The following UNC5D variants were observed in gnomAD, a reference collection of about 807,000 sequenced individuals.
UNC5D encodes the protein unc-5 netrin receptor D.
UNC5D carries 39 observed loss-of-function variants against 105.4 expected under a neutral mutation model. The observed-to-expected ratio is 0.37, with a 90% CI of 0.29 to 0.48. The LOEUF is 0.48. Ranked by LOEUF, UNC5D falls within the 20% of genes least tolerant of loss-of-function variation. The pLI, the probability that UNC5D is intolerant of heterozygous loss-of-function variation, is 0.98. For synonymous variants in UNC5D, 452 were observed against 450.4 expected, an observed-to-expected ratio of 1.00 and a Z score of -0.04; for missense variants, 991 against 1,202.4, an observed-to-expected ratio of 0.82 and a Z score of 2.60.
At chr8:35,655,397 T>G (rs1269912576) in intron 4 of UNC5D, among the ~76,000 whole-genome samples, 4 of 152,212 alleles carry the variant, frequency 2.6e-5, no homozygotes, top group Admixed American at 6.5e-5. Context: ...ATTTAATTGG[T>G]ATCTAAGGAG....
intron 4 of UNC5D, among the ~76,000 whole-genome samples, chr8:35,599,111 C>G (rs1819667510): frequency 7.1e-6 from 1 of 141,298 alleles, no homozygotes; most frequent in Non-Finnish European, 1.5e-5. Flanking sequence ...CCACTGCACT[C>G]CAGCCTAGGT....
chr8:35,448,811 T>G (rs1263932354), intron 1 of UNC5D, among the ~76,000 whole-genome samples: 1 of 152,290 alleles, frequency 6.6e-6, no homozygotes, highest in Middle Eastern at 3.4e-3. Flanking sequence ...CTATACTCTA[T>G]GTCCGTGTGT....
At chr8:35,570,364 A>G (rs1354726618) in intron 3 of UNC5D, among the ~76,000 whole-genome samples, 2 of 152,174 alleles carry the variant, frequency 1.3e-5, no homozygotes, top group Non-Finnish European at 2.9e-5. Context: ...GTTTTCATTG[A>G]TAAAAGGGTG....
intron 1 of UNC5D, among the ~76,000 whole-genome samples, chr8:35,469,973 C>A (rs937062678): frequency 6.6e-6 from 1 of 152,162 alleles, no homozygotes; most frequent in African/African-American, 2.4e-5. Context: ...CCACTCCTCA[C>A]CTTTTGAGTA....
chr8:35,766,531 G>A (rs1004948763), intron 14 of UNC5D, among the ~76,000 whole-genome samples: 1 of 152,166 alleles, frequency 6.6e-6, no homozygotes, highest in Non-Finnish European at 1.5e-5. Flanking sequence ...GACCGAAGTA[G>A]AAGCATGGCC....
intron 9 of UNC5D, 74 bp downstream of exon 9, chr8:35,722,469 C>A (rs1290944164): frequency 6.6e-7 from 1 of 1,517,258 alleles, no homozygotes; most frequent in African/African-American, 1.4e-5. Flanking sequence ...CCAGCCTTCT[C>A]CTGGGCCCTG....
intron 1 of UNC5D, among the ~76,000 whole-genome samples, chr8:35,272,442 T>C (rs1389841525): frequency 6.6e-6 from 1 of 152,124 alleles, no homozygotes. Flanking sequence ...TCAATATCCT[T>C]GCAGCAGAGG....
At chr8:35,431,699 A>G (rs1338832068) in intron 1 of UNC5D, among the ~76,000 whole-genome samples, 1 of 152,142 alleles carries the variant, frequency 6.6e-6, no homozygotes, top group Non-Finnish European at 1.5e-5. Flanking sequence ...TATTTTATGG[A>G]CAAAGTACAA....
At position 35,662,926 on chromosome 8, in the gene UNC5D, ACT is replaced by A. The variant is rs1234179784; in HGVS notation, c.571-20616_571-20615del. On this transcript the variant is annotated intron_variant, in intron 4 of 16. Transcript: ENST00000404895. ...ACGCTAGATTCTCATAGGAGCGCAA[ACT>A]CTCTTGTGAACTGCGTATGCGAGGG... Among the ~76,000 whole-genome samples the A allele has an allele frequency of 3.3e-5, 5 of 152,028 alleles. 1 individual carries two copies. The South Asian group carries it at 6.2e-4, about 19-fold the overall frequency.
At chr8:35,738,076 A>G (rs1829566447) in intron 11 of UNC5D, among the ~76,000 whole-genome samples, 1 of 152,196 alleles carries the variant, frequency 6.6e-6, no homozygotes, top group African/African-American at 2.4e-5. Context: ...ATTGCACTCC[A>G]GCCTGGGCAA....
At chr8:35,736,028 C>T (rs1230819095) in intron 11 of UNC5D, among the ~76,000 whole-genome samples, 2 of 151,998 alleles carry the variant, frequency 1.3e-5, no homozygotes, top group African/African-American at 2.4e-5. Flanking sequence ...TTATAGTAGA[C>T]ATTTGTGGCT....
intron 1 of UNC5D, among the ~76,000 whole-genome samples, chr8:35,447,100 T>C (rs575215515): frequency 2.6e-5 from 4 of 152,206 alleles, no homozygotes; most frequent in African/African-American, 9.6e-5. Flanking sequence ...TTACGTGTTC[T>C]CCCTGTAATA....
At chr8:35,287,131 C>T (rs181059256) in intron 1 of UNC5D, among the ~76,000 whole-genome samples, 34 of 152,284 alleles carry the variant, frequency 2.2e-4, no homozygotes, top group Admixed American at 1.8e-3. Context: ...TGGTAAAGAT[C>T]TATAACCACC....
rs56157732 is a variant in UNC5D, at chr8:35,413,292, T to TGGTG, written c.104-136000_104-135999insGGTG. Among the ~76,000 whole-genome samples, 5 of 128,044 alleles carry TGGTG rather than the reference T, an allele frequency of 3.9e-5. No individual in the cohort carries two copies. In the Admixed American group the frequency reaches 4.1e-4, roughly 10 times the overall value. 84.0% of individuals were successfully genotyped at this position (128,044 alleles called of 152,430 possible). The stretch of plus-strand genomic sequence containing the variant: ...GTGTGTGTGTGTGTGTGTGTGTGTG[T>TGGTG]TGTGTGTGTGTGTGTGTTTTCTCTC... On this transcript the variant is annotated intron_variant, in intron 1 of 16. Transcript: ENST00000404895.
chr8:35,326,277 G>A (rs1248744983), intron 1 of UNC5D, among the ~76,000 whole-genome samples: 2 of 152,134 alleles, frequency 1.3e-5, no homozygotes, highest in East Asian at 1.9e-4. Context: ...AGACTGTAGC[G>A]AGCACCATGG....
chr8:35,786,954 T>C (rs1438427996), intron 16 of UNC5D, among the ~76,000 whole-genome samples: 1 of 152,184 alleles, frequency 6.6e-6, no homozygotes, highest in African/African-American at 2.4e-5. Flanking sequence ...TTGTGCCACA[T>C]ATGAAATCTG....
intron 2 of UNC5D, among the ~76,000 whole-genome samples, chr8:35,552,296 G>C (rs1816218612): frequency 6.6e-6 from 1 of 151,934 alleles, no homozygotes; most frequent in South Asian, 2.1e-4. Context: ...GCTGTTTCAA[G>C]GACCCAGATC....
At chr8:35,281,988 G>A (rs533065224) in intron 1 of UNC5D, among the ~76,000 whole-genome samples, 14 of 152,140 alleles carry the variant, frequency 9.2e-5, no homozygotes, top group Non-Finnish European at 1.8e-4. Context: ...ATTCTTTTAG[G>A]CACTAAAATA....
chr8:35,502,624 T>C (rs1812043347), intron 1 of UNC5D, among the ~76,000 whole-genome samples: 1 of 152,168 alleles, frequency 6.6e-6, no homozygotes, highest in East Asian at 1.9e-4. Flanking sequence ...AGTGGTGCGA[T>C]CTTGGCTCAC....
Sources: gnomAD v4.1 joint callset for allele counts (sites outside exome capture counted in the v4.1 genomes callset) on GRCh38, gnomAD v4.1.1 for gene constraint, MANE v1.5 for transcripts, NCBI Gene and HGNC (gene_info 2026-07-23, HGNC 2026-07-21) for gene names.